Variants in CDK14 observed in about 807,000 individuals in gnomAD.
CDK14 encodes cyclin dependent kinase 14.
Under a neutral mutation model 60.7 loss-of-function variants are expected in CDK14, and 34 were observed. The observed-to-expected ratio is 0.56, with a 90% CI of 0.43 to 0.75. CDK14 has a LOEUF of 0.75. Among genes scored for constraint, CDK14 ranks in the 30% least tolerant of loss-of-function variants. CDK14 has a pLI of 0.00. For missense variants in CDK14, 482 were observed against 564.1 expected, an observed-to-expected ratio of 0.85 and a Z score of 1.47; for synonymous variants, 197 against 203.7, an observed-to-expected ratio of 0.97 and a Z score of 0.28.
chr7:90,900,083 A>G (rs1450068504), intron 7 of CDK14, among the ~76,000 whole-genome samples: 1 of 152,194 alleles, frequency 6.6e-6, no homozygotes, highest in East Asian at 1.9e-4. Context: ...CCCATTTGTT[A>G]TAAGAAACCC....
At chr7:90,645,530 T>G (rs1354616504) in intron 2 of CDK14, among the ~76,000 whole-genome samples, 1 of 152,160 alleles carries the variant, frequency 6.6e-6, no homozygotes, top group Non-Finnish European at 1.5e-5. Context: ...TGGTTGACGG[T>G]TTTTTTCTTT....
intron 14 of CDK14, among the ~76,000 whole-genome samples, chr7:91,187,955 C>T (rs779164921): frequency 2.0e-4 from 31 of 152,188 alleles, no homozygotes; most frequent in Non-Finnish European, 4.1e-4. Flanking sequence ...TTGAACATGC[C>T]TAGTCCCAGG....
chr7:90,791,364 G>A (rs1037035560), intron 5 of CDK14, among the ~76,000 whole-genome samples: 1 of 151,908 alleles, frequency 6.6e-6, no homozygotes, highest in African/African-American at 2.4e-5. Flanking sequence ...GGATAAGTAG[G>A]TTTACCTCTA....
chr7:91,124,666 A>C lies in CDK14; in HGVS notation c.*28+6458A>C, dbSNP rs1401925208. On this transcript the variant is annotated intron_variant, in intron 14 of 14. Transcript: ENST00000380050. Reference sequence around the variant, plus strand: ...GGTCAAATGAGCTTTCAAAATGGTGAGGGGCGGGGGGAATAGCACTTGCAT... The same window carrying C: ...GGTCAAATGAGCTTTCAAAATGGTGCGGGGCGGGGGGAATAGCACTTGCAT... Among the ~76,000 whole-genome samples the C allele has an allele frequency of 2.6e-4, 39 of 151,948 alleles. 1 individual carries two copies.
chr7:90,991,354 G>T (rs1437159098), intron 10 of CDK14, among the ~76,000 whole-genome samples: 1 of 152,126 alleles, frequency 6.6e-6, no homozygotes, highest in African/African-American at 2.4e-5. Context: ...ATCATAAGAA[G>T]GTAGAGGGAA....
intron 8 of CDK14, among the ~76,000 whole-genome samples, chr7:90,945,864 G>A (rs1794083980): frequency 6.6e-6 from 1 of 152,196 alleles, no homozygotes; most frequent in African/African-American, 2.4e-5. Context: ...CATCTTGTAA[G>A]TGGCAGTCAT....
At chr7:90,846,249 T>G (rs77740187) in intron 5 of CDK14, among the ~76,000 whole-genome samples, 1 of 152,156 alleles carries the variant, frequency 6.6e-6, no homozygotes, top group Non-Finnish European at 1.5e-5. Flanking sequence ...ACCTGTACTA[T>G]AAGGTTCCAC....
At chr7:91,010,976 G>A (rs1485309379) in intron 10 of CDK14, among the ~76,000 whole-genome samples, 2 of 151,240 alleles carry the variant, frequency 1.3e-5, no homozygotes, top group East Asian at 1.9e-4. Flanking sequence ...CAGGTGAAAA[G>A]CATTCCATCT....
At chr7:90,685,282 T>C (rs1349689932) in intron 2 of CDK14, among the ~76,000 whole-genome samples, 1 of 152,162 alleles carries the variant, frequency 6.6e-6, no homozygotes, top group Non-Finnish European at 1.5e-5. Context: ...TCTTAATATA[T>C]GCTTGGGCCT....
rs372542395 is a variant in CDK14 at position 90,685,367 on chromosome 7, A to G, written c.124-41200A>G. ...ACCCTCTTTTATTTACTGAAGCATG[A>G]TAATGTGCTTATCATACAGTTAGTC... On this transcript the variant is annotated intron_variant, in intron 2 of 14. Coordinates refer to ENST00000380050, the MANE Select transcript of CDK14 (RefSeq NM_001287135.2). Among the ~76,000 whole-genome samples the G allele has an allele frequency of 1.5e-4, 23 of 152,282 alleles. No homozygotes were observed. The South Asian group carries it at 4.6e-3, about 30-fold the overall frequency.
intron 5 of CDK14, among the ~76,000 whole-genome samples, chr7:90,831,333 TG>T (rs1287576941): frequency 6.6e-6 from 1 of 152,152 alleles, no homozygotes; most frequent in Non-Finnish European, 1.5e-5. Context: ...GAGAGAACGA[TG>T]GGTGAGGTGC....
At chr7:90,864,218 C>T (rs1014267228) in intron 6 of CDK14, among the ~76,000 whole-genome samples, 3 of 151,626 alleles carry the variant, frequency 2.0e-5, no homozygotes, top group East Asian at 1.9e-4. Flanking sequence ...ATGAAGAAGC[C>T]GTTTATCTTG....
intron 11 of CDK14, among the ~76,000 whole-genome samples, chr7:91,068,480 T>C (rs1798041979): frequency 6.6e-6 from 1 of 152,222 alleles, no homozygotes; most frequent in Admixed American, 6.5e-5. Flanking sequence ...ACAGAAAGAT[T>C]AATTTCTTCT....
chr7:90,933,644 C>T (rs1562834059), intron 8 of CDK14, among the ~76,000 whole-genome samples: 1 of 152,084 alleles, frequency 6.6e-6, no homozygotes, highest in Non-Finnish European at 1.5e-5. Flanking sequence ...GCACTTTTTG[C>T]TTGGGAGATT....
Position 90,638,300 on chromosome 7 carries a change from T to G in CDK14, c.123+34051T>G, listed in dbSNP as rs566187233. On this transcript the variant is annotated intron_variant, in intron 2 of 14. Transcript: ENST00000380050. Reference sequence around the variant, plus strand: ...TGCCTTTCCATGTTTTGTGCTTCCTTCGGGAGCTCTTTTAGGGTAGGCCTG... The same window carrying G: ...TGCCTTTCCATGTTTTGTGCTTCCTGCGGGAGCTCTTTTAGGGTAGGCCTG... Among the ~76,000 whole-genome samples the G allele has an allele frequency of 1.6e-4, 24 of 152,334 alleles. 1 individual carries two copies. The highest frequency in any genetic ancestry group is 3.4e-3 in the Middle Eastern group (1 of 294).
chr7:90,930,222 T>A (rs867227980), intron 8 of CDK14, among the ~76,000 whole-genome samples: 3 of 152,098 alleles, frequency 2.0e-5, no homozygotes, highest in African/African-American at 2.4e-5. Context: ...GAAGGAGTAT[T>A]CTTGTAATTG....
intron 2 of CDK14, among the ~76,000 whole-genome samples, chr7:90,651,668 T>TTGTAGTTTGTAGTTTGTA (rs1349438541): frequency 1.3e-5 from 2 of 152,204 alleles, no homozygotes; most frequent in East Asian, 3.8e-4. Context: ...AGTTAATTTT[T>TTGTAGTTTGTAGTTTGTA]CTTTCTTGCC....
At chr7:90,867,436 A>G (rs1791226380) in intron 6 of CDK14, among the ~76,000 whole-genome samples, 1 of 152,214 alleles carries the variant, frequency 6.6e-6, no homozygotes, top group South Asian at 2.1e-4. Flanking sequence ...AACAGATCCC[A>G]TCAGTGAAAA....
intron 6 of CDK14, among the ~76,000 whole-genome samples, chr7:90,898,361 T>C (rs1277983427): frequency 6.6e-6 from 1 of 152,080 alleles, no homozygotes; most frequent in African/African-American, 2.4e-5. Flanking sequence ...TAGCATGCAA[T>C]GAAAGCTTAA....
Sources: gnomAD v4.1 joint callset for allele counts (sites outside exome capture counted in the v4.1 genomes callset) on GRCh38, gnomAD v4.1.1 for gene constraint, MANE v1.5 for transcripts, NCBI Gene and HGNC (gene_info 2026-07-23, HGNC 2026-07-21) for gene names.